Variants in FGD6 observed in about 807,000 individuals in gnomAD.
FGD6 encodes the protein FYVE, RhoGEF and PH domain containing 6.
Under a neutral mutation model 149.4 loss-of-function variants are expected in FGD6, and 90 were observed. That is an observed-to-expected ratio of 0.60 (90% CI 0.51 to 0.72). The LOEUF is 0.72. FGD6 is among the 30% of genes least tolerant of loss of function. The pLI, the probability that FGD6 is intolerant of heterozygous loss-of-function variation, is 0.00. For synonymous variants in FGD6, 527 were observed against 584.0 expected (o/e 0.90, Z 1.41); for missense variants, 1,437 against 1,684.8 (o/e 0.85, Z 2.57).
Position 95,217,391 on chromosome 12 carries a change from A to C in FGD6, c.-151T>G. ...CCGCGGCGCAGCCTGAGCGCCACAC[A>C]AAGGACGCGGCCGACTCTAGCGACC... On this transcript the variant is annotated 5_prime_UTR_variant, in exon 1 of 21. Coordinates refer to ENST00000343958, the MANE Select transcript of FGD6 (RefSeq NM_018351.4). 3 of 1,261,478 alleles carry C rather than the reference A, an allele frequency of 2.4e-6. No individual in the cohort carries two copies. Among genetic ancestry groups the C allele is most frequent in the Non-Finnish European group, 3.1e-6 (3 of 955,766 alleles). The allele number at this position is 1,261,478 out of a possible 1,614,324, so 78.1% of individuals were successfully genotyped here.
intron 2 of FGD6, among the ~76,000 whole-genome samples, chr12:95,203,437 A>G (rs1450700058): frequency 6.6e-6 from 1 of 152,168 alleles, no homozygotes; most frequent in Non-Finnish European, 1.5e-5. Flanking sequence ...TCTCACCAAC[A>G]TTAAAAAACA....
At chr12:95,131,868 T>C (rs1879531297) in intron 8 of FGD6, among the ~76,000 whole-genome samples, 1 of 151,946 alleles carries the variant, frequency 6.6e-6, no homozygotes, top group South Asian at 2.1e-4. Flanking sequence ...AGCAAAACCA[T>C]ATCCCTACTA....
chr12:95,183,648 A>G (rs1303459049), intron 2 of FGD6, among the ~76,000 whole-genome samples: 1 of 152,156 alleles, frequency 6.6e-6, no homozygotes, highest in Non-Finnish European at 1.5e-5. Flanking sequence ...AGATCAGCCT[A>G]GGCAACACAT....
At chr12:95,185,766 CAGA>C (rs1881412318) in intron 2 of FGD6, among the ~76,000 whole-genome samples, 1 of 152,130 alleles carries the variant, frequency 6.6e-6, no homozygotes, top group Non-Finnish European at 1.5e-5. Context: ...GAGGCTGAGG[CAGA>C]AGAATTGCTT....
intron 14 of FGD6, among the ~76,000 whole-genome samples, chr12:95,096,554 AAC>A (rs1878238091): frequency 6.6e-6 from 1 of 152,228 alleles, no homozygotes; most frequent in African/African-American, 2.4e-5. Flanking sequence ...GATGCCATTT[AAC>A]AGTTACTACG....
Position 95,091,938 on chromosome 12 carries a change from C to T in FGD6, c.3748-129G>A, listed in dbSNP as rs1437129590. ...GTTTCAGAGTCACTGAGTCTCACTT[C>T]GTCTCAATAATAACTCTGGAGTTCA... is the stretch of plus-strand genomic sequence containing the variant. On this transcript the variant is annotated intron_variant, in intron 16 of 20. Transcript: ENST00000343958. The T allele has an allele frequency of 2.0e-5, 13 of 655,644 alleles. No individual in the cohort carries two copies. The East Asian group carries it at 2.3e-4, about 11-fold the overall frequency. The allele number at this position is 655,644 out of a possible 1,614,324, so 40.6% of individuals were successfully genotyped here.
intron 2 of FGD6, among the ~76,000 whole-genome samples, chr12:95,174,238 G>C (rs1366489563): frequency 6.6e-6 from 1 of 152,106 alleles, no homozygotes; most frequent in Non-Finnish European, 1.5e-5. Context: ...CAACCCCGCC[G>C]GATAGTTAAT....
Position 95,209,937 on chromosome 12 carries a change from A to G in FGD6, c.1347T>C (p.Cys449=), listed in dbSNP as rs1336524418. The change falls in exon 2 of 21, where the codon TGT becomes TGC. Residue 449 remains cysteine, a synonymous_variant. Transcript: ENST00000343958. ...AVDEGTGFIR[C]TVSMSLPKQL... Reference sequence around the variant, plus strand: ...GCTTAGGCAGGCTCATAGATACAGTACATCTTATAAAACCGGTCCCTTCGT... The same window carrying G: ...GCTTAGGCAGGCTCATAGATACAGTGCATCTTATAAAACCGGTCCCTTCGT... 7 of 1,612,822 alleles carry G rather than the reference A, an allele frequency of 4.3e-6. No homozygotes were observed. The highest frequency in any genetic ancestry group is 5.9e-6 in the Non-Finnish European group (7 of 1,179,680).
chr12:95,164,564 G>A (rs1880742389), intron 3 of FGD6, among the ~76,000 whole-genome samples: 1 of 151,982 alleles, frequency 6.6e-6, no homozygotes, highest in Admixed American at 6.6e-5. Flanking sequence ...CCGAGCAGCT[G>A]GGACTACAGG....
intron 8 of FGD6, chr12:95,116,784 C>T (rs1301499247): frequency 4.4e-6 from 2 of 455,258 alleles, no homozygotes; most frequent in East Asian, 1.4e-4. Flanking sequence ...ATCCATCCAT[C>T]CATTCATGTT....
At chr12:95,125,595 C>T (rs1414754651) in intron 8 of FGD6, among the ~76,000 whole-genome samples, 1 of 152,144 alleles carries the variant, frequency 6.6e-6, no homozygotes, top group Non-Finnish European at 1.5e-5. Context: ...ATGATCCTGC[C>T]ACCACACTCT....
At chr12:95,104,195 C>T (rs1878534652) in intron 14 of FGD6, among the ~76,000 whole-genome samples, 1 of 152,046 alleles carries the variant, frequency 6.6e-6, no homozygotes, top group Admixed American at 6.6e-5. Flanking sequence ...TAAAACTGCA[C>T]GGTATTGGGA....
At chr12:95,166,114 G>A (rs1880805874) in intron 3 of FGD6, among the ~76,000 whole-genome samples, 1 of 151,856 alleles carries the variant, frequency 6.6e-6, no homozygotes, top group African/African-American at 2.4e-5. Context: ...TTTTTGTAGA[G>A]ACAAGGTCTC....
At position 95,148,797 on chromosome 12, in the gene FGD6, GCATATGTTATATTA is replaced by G. The variant is rs1346945757; in HGVS notation, c.2685+4000_2685+4013del. Among the ~76,000 whole-genome samples, 28 of 94,500 alleles carry G rather than the reference GCATATGTTATATTA, an allele frequency of 3.0e-4. 2 individuals are homozygous for G. The highest frequency in any genetic ancestry group is 6.7e-4 in the African/African-American group (16 of 23,740). The allele number at this position is 94,500 out of a possible 152,430, so 62.0% of individuals were successfully genotyped here. A position where few individuals can be genotyped will look rare whatever the true frequency, so the allele number is the denominator to read the frequency against. ...TATATTATATATTATATAATACATAGCATATGTTATATTACATATATTATATATATTATATAATA... is the reference window on the plus strand; with the variant it reads ...TATATTATATATTATATAATACATAGCATATATTATATATATTATATAATA... On this transcript the variant is annotated intron_variant, in intron 5 of 20. Coordinates refer to ENST00000343958, the MANE Select transcript of FGD6 (RefSeq NM_018351.4).
intron 18 of FGD6, among the ~76,000 whole-genome samples, chr12:95,086,502 A>G (rs1877865282): frequency 1.3e-5 from 2 of 151,638 alleles, no homozygotes; most frequent in African/African-American, 4.8e-5. Context: ...CTATGCAAAA[A>G]GACAGTAAGC....
intron 18 of FGD6, among the ~76,000 whole-genome samples, chr12:95,087,757 TTAA>T (rs748458993): frequency 1.4e-4 from 22 of 152,324 alleles, no homozygotes; most frequent in Non-Finnish European, 2.9e-4. Flanking sequence ...TTTAATTATA[TTAA>T]TTTCTTATAA....
At chr12:95,192,398 T>C (rs753298378) in intron 2 of FGD6, among the ~76,000 whole-genome samples, 2 of 152,222 alleles carry the variant, frequency 1.3e-5, no homozygotes, top group African/African-American at 4.8e-5. Flanking sequence ...TAGTAAATGT[T>C]AGCTATTTTT....
chr12:95,163,394 A>T (rs1321509632), intron 3 of FGD6, among the ~76,000 whole-genome samples: 2 of 151,946 alleles, frequency 1.3e-5, no homozygotes, highest in Non-Finnish European at 2.9e-5. Context: ...TTTCCCTCCT[A>T]CTATCAAAGG....
intron 14 of FGD6, among the ~76,000 whole-genome samples, chr12:95,102,454 A>AAAAAAC (rs1878477240): frequency 6.6e-6 from 1 of 150,964 alleles, no homozygotes; most frequent in African/African-American, 2.4e-5. Flanking sequence ...AAAAAAAAAA[A>AAAAAAC]AAAAAAAAAA....
Sources: gnomAD v4.1 joint callset for allele counts (sites outside exome capture counted in the v4.1 genomes callset) on GRCh38, gnomAD v4.1.1 for gene constraint, MANE v1.5 for transcripts, NCBI Gene and HGNC (gene_info 2026-07-23, HGNC 2026-07-21) for gene names.